PTPN14: variants seen among roughly 807,000 people sequenced by gnomAD.
PTPN14 encodes tyrosine-protein phosphatase non-receptor type 14.
PTPN14 carries 53 observed loss-of-function variants against 126.8 expected under a neutral mutation model. The observed-to-expected ratio is 0.42, with a 90% confidence interval of 0.34 to 0.53. The LOEUF (loss-of-function observed/expected upper bound fraction) is 0.53, where lower values mean the gene tolerates loss of function less well. PTPN14 is among the 20% of genes least tolerant of loss of function. The probability of loss-of-function intolerance (pLI) is 0.08; values close to 1 mark genes in which losing one functional copy is unlikely to be tolerated. For missense variants in PTPN14, 1,257 were observed against 1,552.9 expected, an observed-to-expected ratio of 0.81 and a Z score of 3.20; for synonymous variants, 630 against 599.3, an observed-to-expected ratio of 1.05 and a Z score of -0.75.
chr1:214,538,389 T>C (rs777779810), intron 1 of PTPN14, among the ~76,000 whole-genome samples: 3 of 152,156 alleles, frequency 2.0e-5, no homozygotes, highest in Admixed American at 6.6e-5. Flanking sequence ...GGATAAACTA[T>C]AGATAAAAAT....
chr1:214,464,017 A>G (rs535197045), intron 2 of PTPN14, among the ~76,000 whole-genome samples: 1 of 152,266 alleles, frequency 6.6e-6, no homozygotes, highest in South Asian at 2.1e-4. Flanking sequence ...TGACTTTCTA[A>G]GTGGTCAGCC....
At position 214,388,400 on chromosome 1, in the gene PTPN14, T is replaced by C. The variant is rs566218363; in HGVS notation, c.988-1478A>G. Among the ~76,000 whole-genome samples the C allele has an allele frequency of 9.9e-5, 15 of 152,206 alleles. No individual in the cohort carries two copies. In the East Asian group the frequency reaches 1.9e-3, roughly 20 times the overall value. On this transcript the variant is annotated intron_variant, in intron 11 of 18. Transcript: ENST00000366956. ...CGAACAGGATAATCTCTCATATTTC[T>C]TTTTTCTTTTTTTTTTTATTTTCTG... is the stretch of plus-strand genomic sequence containing the variant.
intron 18 of PTPN14, among the ~76,000 whole-genome samples, chr1:214,358,550 G>A (rs976834123): frequency 6.6e-6 from 1 of 152,180 alleles, no homozygotes; most frequent in Non-Finnish European, 1.5e-5. Flanking sequence ...ACCTCTCAGG[G>A]TCTTAGTTTC....
Position 214,384,748 on chromosome 1 carries a change from G to A in PTPN14, c.1107C>T (p.Asn369=). Reference sequence around the variant, plus strand: ...AATTTAAGTCCAGGCTGTTGTGAGAGTTGCAATACAAGGCTTCTTCATTCC... The same window carrying A: ...AATTTAAGTCCAGGCTGTTGTGAGAATTGCAATACAAGGCTTCTTCATTCC... The part of the protein sequence containing the change: ...FHGNEEALYC[N]SHNSLDLNYL... Residue 369 remains asparagine, a synonymous_variant, in exon 13 of 19, where the codon AAC becomes AAT. Transcript: ENST00000366956. This position sits in a 1 kb window ranked among gnomAD's most constrained non-coding sequence, Gnocchi z 5.3. 6.2e-7 allele frequency: 1 copy of A among 1,614,000 alleles called. No homozygotes were observed. The highest frequency in any genetic ancestry group is 8.5e-7 in the Non-Finnish European group (1 of 1,179,996).
At chr1:214,431,593 G>A (rs1659798249) in intron 3 of PTPN14, among the ~76,000 whole-genome samples, 1 of 152,146 alleles carries the variant, frequency 6.6e-6, no homozygotes. Context: ...ACATAAATTG[G>A]GGGCACAGCG....
intron 1 of PTPN14, among the ~76,000 whole-genome samples, chr1:214,519,559 G>A (rs1307260370): frequency 6.6e-6 from 1 of 152,124 alleles, no homozygotes; most frequent in Non-Finnish European, 1.5e-5. Flanking sequence ...TATTTGTATA[G>A]CAGGCTAACA....
intron 7 of PTPN14, among the ~76,000 whole-genome samples, chr1:214,401,270 C>G (rs369674845): frequency 6.6e-6 from 1 of 152,174 alleles, no homozygotes; most frequent in Admixed American, 6.5e-5. Flanking sequence ...ATACAAGAAA[C>G]GTTTCATTCT....
intron 1 of PTPN14, among the ~76,000 whole-genome samples, chr1:214,538,310 A>G (rs1346392623): frequency 1.3e-5 from 2 of 152,260 alleles, no homozygotes; most frequent in African/African-American, 4.8e-5. Flanking sequence ...ACGGGTTCAC[A>G]TGCCACTTAC....
At chr1:214,433,220 G>A (rs1293088835) in intron 3 of PTPN14, among the ~76,000 whole-genome samples, 1 of 151,896 alleles carries the variant, frequency 6.6e-6, no homozygotes, top group African/African-American at 2.4e-5. Context: ...GCACTTGTCT[G>A]TGCATATGTT....
chr1:214,390,926 A>C (rs1203514149), intron 11 of PTPN14, 62 bp downstream of exon 11: 3 of 1,336,014 alleles, frequency 2.2e-6, no homozygotes, highest in African/African-American at 3.0e-5. Flanking sequence ...CCCCCACCTC[A>C]AATTAATAAC....
chr1:214,429,937 C>G (rs887772046), intron 3 of PTPN14, among the ~76,000 whole-genome samples: 1 of 152,030 alleles, frequency 6.6e-6, no homozygotes, highest in Non-Finnish European at 1.5e-5. Context: ...CCTTAATGAC[C>G]TCATCAGATT....
chr1:214,375,518 G>T (rs1317177769), intron 15 of PTPN14, among the ~76,000 whole-genome samples: 1 of 152,166 alleles, frequency 6.6e-6, no homozygotes, highest in South Asian at 2.1e-4. Context: ...CTCTGAGGAA[G>T]GTAAGCTATT....
intron 1 of PTPN14, among the ~76,000 whole-genome samples, chr1:214,485,473 G>A (rs1661089713): frequency 6.6e-6 from 1 of 152,204 alleles, no homozygotes; most frequent in African/African-American, 2.4e-5. Flanking sequence ...GTCCTCATTA[G>A]ACAAGTGGTA....
At chr1:214,392,892 A>G (rs1210226715) in intron 10 of PTPN14, among the ~76,000 whole-genome samples, 2 of 152,006 alleles carry the variant, frequency 1.3e-5, no homozygotes, top group South Asian at 2.1e-4. Context: ...TACTCTACAT[A>G]CTCTCGGATG....
At chr1:214,360,231 C>T (rs1220692956) in intron 18 of PTPN14, among the ~76,000 whole-genome samples, 1 of 152,184 alleles carries the variant, frequency 6.6e-6, no homozygotes, top group African/African-American at 2.4e-5. Flanking sequence ...TATTTCCAAG[C>T]CGTGTATAGG....
At chr1:214,396,531 T>G (rs1658883338) in intron 8 of PTPN14, among the ~76,000 whole-genome samples, 1 of 152,194 alleles carries the variant, frequency 6.6e-6, no homozygotes, top group Non-Finnish European at 1.5e-5. Context: ...AATCAACTGC[T>G]GAAATCCTAG....
Position 214,386,881 on chromosome 1 carries a change from C to A in PTPN14, c.1029G>T (p.Gln343His). 2 of 1,609,694 alleles carry A rather than the reference C, an allele frequency of 1.2e-6. No homozygotes were observed. The highest frequency in any genetic ancestry group is 1.7e-6 in the Non-Finnish European group (2 of 1,176,188). Residue 343 changes from glutamine to histidine, a missense_variant, in exon 12 of 19, where the codon CAG (glutamine) becomes CAT (histidine). Physicochemically the swap from Gln to His is conservative, Grantham distance 24. This residue lies in a region of PTPN14 where 1,021 missense variants were observed against 1,183.3 expected (regional missense o/e 0.86). Coordinates refer to ENST00000366956, the MANE Select transcript of PTPN14 (RefSeq NM_005401.5). Reference protein sequence around the residue: ...QPYILPPVHVQCGEHYSETHT... With the variant: ...QPYILPPVHVHCGEHYSETHT... ...GCGTTTCCGAGTAGTGCTCACCACA[C>A]TGGACGTGAACGGGAGGCAGGATGT... is the stretch of plus-strand genomic sequence containing the variant.
At chr1:214,411,244 A>T (rs945400422) in intron 5 of PTPN14, among the ~76,000 whole-genome samples, 2 of 152,114 alleles carry the variant, frequency 1.3e-5, no homozygotes, top group Admixed American at 6.6e-5. Flanking sequence ...CTTCTATTAA[A>T]CATAGTACTG....
chr1:214,381,571 G>A (rs1432524208), intron 13 of PTPN14, among the ~76,000 whole-genome samples: 2 of 152,208 alleles, frequency 1.3e-5, no homozygotes, highest in Non-Finnish European at 2.9e-5. Flanking sequence ...CTGTGAGGTT[G>A]AGAATGTTCT....
Sources: allele counts gnomAD v4.1 joint callset (sites outside exome capture counted in the v4.1 genomes callset), GRCh38; gene constraint gnomAD v4.1.1; regional missense constraint gnomAD v4.1.1; non-coding constraint Gnocchi (gnomAD v3.1); transcripts MANE v1.5; gene names NCBI Gene and HGNC (gene_info 2026-07-23, HGNC 2026-07-21).